The following CTNNA3 variants were observed in gnomAD, a reference collection of about 807,000 sequenced individuals.
The protein encoded by CTNNA3 is catenin alpha-3.
In CTNNA3, 76 loss-of-function variants were observed where a neutral mutation model predicts 95.7. The ratio of observed to expected loss-of-function variants is 0.79; its 90% confidence interval spans 0.66 to 0.96. CTNNA3 has a LOEUF of 0.96. CTNNA3 is among the 40% of genes least tolerant of loss of function. The probability of loss-of-function intolerance (pLI) is 0.00; values close to 1 mark genes in which losing one functional copy is unlikely to be tolerated. For synonymous variants in CTNNA3, 431 were observed against 374.4 expected (o/e 1.15, Z -1.74); for missense variants, 1,191 against 1,089.8 (o/e 1.09, Z -1.31).
At chr10:67,620,925 A>ATG (rs1564788554) in intron 2 of CTNNA3, among the ~76,000 whole-genome samples, 1 of 48,134 alleles carries the variant, frequency 2.1e-5, no homozygotes, top group Non-Finnish European at 3.8e-5. Flanking sequence ...GTGTGTGTGT[A>ATG]TATATATATA....
At chr10:66,134,973 A>C (rs1456832782) in intron 13 of CTNNA3, among the ~76,000 whole-genome samples, 7 of 152,260 alleles carry the variant, frequency 4.6e-5, no homozygotes, top group Admixed American at 3.9e-4. Flanking sequence ...AATGATTCTG[A>C]AAATATTTTG....
At chr10:66,586,225 T>C (rs946230178) in intron 10 of CTNNA3, among the ~76,000 whole-genome samples, 1 of 152,082 alleles carries the variant, frequency 6.6e-6, no homozygotes, top group Non-Finnish European at 1.5e-5. Flanking sequence ...TTCAACGGGT[T>C]GAGTAGTTCA....
intron 12 of CTNNA3, among the ~76,000 whole-genome samples, chr10:66,369,377 G>C (rs955126456): frequency 7.9e-5 from 12 of 152,132 alleles, no homozygotes; most frequent in Non-Finnish European, 1.0e-4. Flanking sequence ...CTGGACACCT[G>C]ATCGATGTCC....
chr10:67,716,364 G>C (rs1841143017), intron 1 of CTNNA3, among the ~76,000 whole-genome samples: 1 of 152,054 alleles, frequency 6.6e-6, no homozygotes, highest in Non-Finnish European at 1.5e-5. Context: ...GGATACATGT[G>C]CAGAACATGC....
At chr10:67,351,824 G>A (rs1380584073) in intron 5 of CTNNA3, among the ~76,000 whole-genome samples, 2 of 151,928 alleles carry the variant, frequency 1.3e-5, no homozygotes, top group Non-Finnish European at 2.9e-5. Context: ...AGGAAAAGTG[G>A]TGGCCTGGGA....
At chr10:66,712,608 T>TCA (rs201322402) in intron 9 of CTNNA3, among the ~76,000 whole-genome samples, 168 of 151,624 alleles carry the variant, frequency 1.1e-3, no homozygotes, top group African/African-American at 4.0e-3. Context: ...TCTCTCTCTC[T>TCA]CACACACACA....
intron 13 of CTNNA3, among the ~76,000 whole-genome samples, chr10:66,264,044 T>C (rs1030148300): frequency 5.3e-5 from 8 of 151,980 alleles, no homozygotes; most frequent in South Asian, 2.1e-4. Flanking sequence ...TGCTCTAATA[T>C]ACCCTGTCTA....
intron 13 of CTNNA3, among the ~76,000 whole-genome samples, chr10:66,252,599 T>A (rs886421257): frequency 6.6e-6 from 1 of 152,180 alleles, no homozygotes; most frequent in Non-Finnish European, 1.5e-5. Context: ...TATGTGAATA[T>A]ATGGGAATAC....
intron 11 of CTNNA3, among the ~76,000 whole-genome samples, chr10:66,438,392 C>T (rs956143575): frequency 1.4e-4 from 21 of 152,184 alleles, no homozygotes; most frequent in African/African-American, 4.8e-4. Flanking sequence ...CAGAGATGCC[C>T]TGCCCAGAAA....
At chr10:66,346,076 CAA>C (rs746349432) in intron 12 of CTNNA3, among the ~76,000 whole-genome samples, 1,784 of 70,498 alleles carry the variant, frequency 0.025, 25 homozygotes, top group East Asian at 0.076. Context: ...GACTCCATCT[CAA>C]AAAAAAAAAA....
intron 9 of CTNNA3, among the ~76,000 whole-genome samples, chr10:66,639,308 T>C (rs1307793564): frequency 6.6e-6 from 1 of 152,210 alleles, no homozygotes; most frequent in Non-Finnish European, 1.5e-5. Context: ...AAGATCTGCA[T>C]CCTAGTTACA....
chr10:66,560,910 A>G (rs1842533198), intron 10 of CTNNA3, among the ~76,000 whole-genome samples: 1 of 151,914 alleles, frequency 6.6e-6, no homozygotes, highest in Non-Finnish European at 1.5e-5. Context: ...GAGCACAGCC[A>G]TTTGTAAACC....
intron 9 of CTNNA3, among the ~76,000 whole-genome samples, chr10:66,637,524 A>C (rs542197664): frequency 2.0e-5 from 3 of 152,338 alleles, no homozygotes; most frequent in Admixed American, 6.5e-5. Context: ...GCTTGCTTGC[A>C]CTGCACCTGG....
At chr10:66,615,555 A>T (rs1797304531) in intron 10 of CTNNA3, among the ~76,000 whole-genome samples, 1 of 151,944 alleles carries the variant, frequency 6.6e-6, no homozygotes, top group South Asian at 2.1e-4. Context: ...TGATTGATAA[A>T]TAATTTATTT....
At chr10:67,756,946 C>T (rs920273722) in intron 1 of CTNNA3, among the ~76,000 whole-genome samples, 5 of 152,040 alleles carry the variant, frequency 3.3e-5, no homozygotes, top group African/African-American at 1.2e-4. Flanking sequence ...TTTTAAAAGA[C>T]TTAGGTGGGT....
intron 5 of CTNNA3, among the ~76,000 whole-genome samples, chr10:67,298,649 T>C (rs1205385741): frequency 6.6e-5 from 10 of 152,214 alleles, no homozygotes; most frequent in Non-Finnish European, 1.5e-4. Context: ...TTACTTATGG[T>C]AAACCTGTAA....
intron 12 of CTNNA3, among the ~76,000 whole-genome samples, chr10:66,351,363 G>A (rs2092565492): frequency 6.6e-6 from 1 of 151,966 alleles, no homozygotes; most frequent in African/African-American, 2.4e-5. Flanking sequence ...GCTGAGAGAA[G>A]TTAAATAACT....
intron 5 of CTNNA3, among the ~76,000 whole-genome samples, chr10:67,325,217 C>T (rs1407361877): frequency 1.3e-5 from 2 of 151,628 alleles, no homozygotes; most frequent in Non-Finnish European, 1.5e-5. Flanking sequence ...AATGCTTTCT[C>T]GTGTCTCAAT....
In CTNNA3 at chr10:66,431,845, T is replaced by C. The variant is rs1352946806; in HGVS notation, c.1532-52493A>G. On this transcript the variant is annotated intron_variant, in intron 11 of 17. Transcript: ENST00000433211. ...CACACCAACATGGCACATGTATACA[T>C]ATGTAACAAACCTGCACGTTGTGCA... is the stretch of plus-strand genomic sequence containing the variant. Among the ~76,000 whole-genome samples, 8 of 151,974 alleles carry C rather than the reference T, an allele frequency of 5.3e-5. No homozygotes were observed. In the South Asian group the frequency reaches 1.0e-3, roughly 20 times the overall value.
Sources: gnomAD v4.1 joint callset for allele counts (sites outside exome capture counted in the v4.1 genomes callset) on GRCh38, gnomAD v4.1.1 for gene constraint, MANE v1.5 for transcripts, NCBI Gene and HGNC (gene_info 2026-07-23, HGNC 2026-07-21) for gene names.